Variants in HDAC8 observed in about 807,000 individuals in gnomAD.
HDAC8 encodes the protein histone deacetylase 8.
A neutral mutation model predicts 32.2 loss-of-function variants in HDAC8; 1 was observed. The ratio of observed to expected loss-of-function variants is 0.03; its 90% CI spans 0.01 to 0.15. The LOEUF (loss-of-function observed/expected upper bound fraction) is 0.15, where lower values mean the gene tolerates loss of function less well. Ranked by LOEUF, HDAC8 falls within the 10% of genes least tolerant of loss-of-function variation. HDAC8 has a pLI of 1.00. For missense variants in HDAC8, 117 were observed against 300.0 expected (o/e 0.39, Z 4.51); for synonymous variants, 108 against 113.9 (o/e 0.95, Z 0.33).
intron 9 of HDAC8, among the ~76,000 whole-genome samples, chrX:72,354,461 TG>T (rs1555949960): frequency 1.8e-5 from 2 of 112,657 alleles, no homozygotes; most frequent in Non-Finnish European, 3.7e-5. Flanking sequence ...TTCCCTTAAA[TG>T]TATGTTGAAT....
Position 72,490,808 on chromosome X carries a change from A to T in HDAC8, c.628+121T>A, listed in dbSNP as rs60885999. 8.0e-4 allele frequency: 392 copies of T among 490,434 alleles called. 3 individuals are homozygous for T. The East Asian group carries it at 0.014, about 18-fold the overall frequency. The allele number at this position is 490,434 out of a possible 1,213,427, so 40.4% of individuals were successfully genotyped here. ...TCTGAATGAAAATGCAAAAAAAAAA[A>T]TTTTGCATAGGATTGTGGCAGTAAG... On this transcript the variant is annotated intron_variant, in intron 6 of 10. Coordinates refer to ENST00000373573, the MANE Select transcript of HDAC8 (RefSeq NM_018486.3).
In HDAC8 at chrX:72,488,295, C is replaced by T. The variant is rs140856599; in HGVS notation, c.737+638G>A. On this transcript the variant is annotated intron_variant, in intron 7 of 10. Transcript: ENST00000373573. ...CTATTCGGATTTGCTTTCTCTGCCA[C>T]CACTTGTGCCTGACCAATCTCAATT... 1.1e-3 allele frequency among the ~76,000 whole-genome samples: 119 copies of T among 110,873 alleles called. 1 individual carries two copies. The Middle Eastern group carries it at 0.014, about 13-fold the overall frequency.
intron 7 of HDAC8, among the ~76,000 whole-genome samples, chrX:72,472,077 T>TTA (rs2048197388): frequency 9.2e-6 from 1 of 108,902 alleles, no homozygotes; most frequent in African/African-American, 3.3e-5. Context: ...TATTTATTTT[T>TTA]TTTTTTTTGA....
chrX:72,362,279 C>G (rs375751997), intron 9 of HDAC8, among the ~76,000 whole-genome samples: 2 of 111,474 alleles, frequency 1.8e-5, no homozygotes, highest in African/African-American at 6.5e-5. Flanking sequence ...CCTCCCCCGT[C>G]TCTCTCTTGC....
In HDAC8 at chrX:72,360,601, T is replaced by C. The variant is rs782303816; in HGVS notation, c.1006-8763A>G. 3.6e-5 allele frequency among the ~76,000 whole-genome samples: 4 copies of C among 111,764 alleles called. No individual in the cohort carries two copies. In the South Asian group the frequency reaches 1.5e-3, roughly 42 times the overall value. On this transcript the variant is annotated intron_variant, in intron 9 of 10. Coordinates refer to ENST00000373573, the MANE Select transcript of HDAC8 (RefSeq NM_018486.3). Reference sequence around the variant, plus strand: ...GGTTCTGGTCAGGAAGAGCATTTCTTGTCCTGAATCACTGTTTGAAAAGAA... The same window carrying C: ...GGTTCTGGTCAGGAAGAGCATTTCTCGTCCTGAATCACTGTTTGAAAAGAA...
At chrX:72,519,486 A>G (rs180891060) in intron 4 of HDAC8, among the ~76,000 whole-genome samples, 7 of 112,459 alleles carry the variant, frequency 6.2e-5, no homozygotes, top group Admixed American at 4.7e-4. Flanking sequence ...TTTTGATTAC[A>G]GCTATTCTAG....
chrX:72,534,316 T>TATATA (rs201131784), intron 4 of HDAC8, among the ~76,000 whole-genome samples: 5 of 83,254 alleles, frequency 6.0e-5, no homozygotes, highest in Admixed American at 5.0e-4. Context: ...TATATATATA[T>TATATA]TTTTTTTTTT....
intron 9 of HDAC8, among the ~76,000 whole-genome samples, chrX:72,447,155 A>G (rs893411888): frequency 8.0e-5 from 9 of 112,363 alleles, no homozygotes; most frequent in African/African-American, 2.6e-4. Flanking sequence ...TTTCAGGCCA[A>G]TATCCCTGAT....
chrX:72,391,414 T>C (rs144270360), intron 9 of HDAC8, among the ~76,000 whole-genome samples: 47 of 112,194 alleles, frequency 4.2e-4, no homozygotes, highest in African/African-American at 1.5e-3. Flanking sequence ...AATTTATAAA[T>C]GGAAAGAGAT....
intron 2 of HDAC8, among the ~76,000 whole-genome samples, chrX:72,570,179 C>T (rs2051965839): frequency 8.9e-6 from 1 of 111,748 alleles, no homozygotes; most frequent in African/African-American, 3.2e-5. Context: ...TCTATACCAC[C>T]AGAGGTGAAA....
chrX:72,423,102 A>G (rs1359730350), intron 9 of HDAC8, among the ~76,000 whole-genome samples: 1 of 111,928 alleles, frequency 8.9e-6, no homozygotes, highest in Non-Finnish European at 1.9e-5. Flanking sequence ...TTTTTTTAAA[A>G]AGGAATCTTT....
chrX:72,396,850 CAAA>C (rs2045776015), intron 9 of HDAC8, among the ~76,000 whole-genome samples: 1 of 111,431 alleles, frequency 9.0e-6, no homozygotes, highest in African/African-American at 3.3e-5. Context: ...ACAACAACAA[CAAA>C]AACAACAACA....
intron 6 of HDAC8, among the ~76,000 whole-genome samples, chrX:72,490,297 T>C (rs1265425296): frequency 9.1e-6 from 1 of 110,391 alleles, no homozygotes; most frequent in East Asian, 2.9e-4. Context: ...TAAAGACACA[T>C]GCATACGTAT....
intron 9 of HDAC8, among the ~76,000 whole-genome samples, chrX:72,357,956 G>A (rs966525827): frequency 2.5e-4 from 28 of 109,942 alleles, no homozygotes; most frequent in African/African-American, 8.6e-4. Flanking sequence ...CCAGGCTGGA[G>A]TGCGGTGGCA....
chrX:72,386,636 C>T (rs928077869), intron 9 of HDAC8, among the ~76,000 whole-genome samples: 5 of 111,306 alleles, frequency 4.5e-5, no homozygotes, highest in Admixed American at 9.6e-5. Context: ...TCATTAAATC[C>T]TAACAAGCAT....
chrX:72,464,625 C>A lies in HDAC8; in HGVS notation c.844G>T (p.Val282Leu), dbSNP rs2047963972. The change falls in exon 8 of 11, where the codon GTG (valine) becomes TTG (leucine). Residue 282 changes from valine to leucine, a missense_variant. Val to Leu is a conservative substitution (Grantham distance 32). Transcript: ENST00000373573. ...DPMCSFNMTP[V>L]GIGKCLKYIL... ...TACTTAAGACACTTGCCAATTCCCA[C>A]TGGAGTCATGTTAAAGGAGCACATG... 1 of 1,207,397 alleles carries A rather than the reference C, an allele frequency of 8.3e-7. No individual in the cohort carries two copies. The highest frequency in any genetic ancestry group is 1.7e-5 in the African/African-American group (1 of 57,754).
intron 9 of HDAC8, among the ~76,000 whole-genome samples, chrX:72,459,406 G>A (rs1303235476): frequency 9.0e-6 from 1 of 110,860 alleles, no homozygotes; most frequent in Admixed American, 9.6e-5. Context: ...AGTAGGGAAC[G>A]GGCATTTGGA....
chrX:72,472,581 G>T (rs1555998381), intron 7 of HDAC8, among the ~76,000 whole-genome samples: 1 of 111,726 alleles, frequency 9.0e-6, no homozygotes, highest in East Asian at 2.8e-4. Flanking sequence ...TAGTTTTGTT[G>T]TAAGTTTTAA....
chrX:72,334,018 T>G (rs1018450836), intron 10 of HDAC8, among the ~76,000 whole-genome samples: 1 of 112,548 alleles, frequency 8.9e-6, no homozygotes, highest in Non-Finnish European at 1.9e-5. Flanking sequence ...CAGTTAAATT[T>G]GGAGGCAATT....
Sources: gnomAD v4.1 joint callset for allele counts (sites outside exome capture counted in the v4.1 genomes callset) on GRCh38, gnomAD v4.1.1 for gene constraint, MANE v1.5 for transcripts, NCBI Gene and HGNC (gene_info 2026-07-23, HGNC 2026-07-21) for gene names.